TAFA1: variants seen among roughly 807,000 people sequenced by gnomAD.
TAFA1 encodes TAFA chemokine like family member 1, also known as chemokine-like protein TAFA-1.
A neutral mutation model predicts 18.5 loss-of-function variants in TAFA1; 4 were observed. That is an observed-to-expected ratio of 0.22 (90% CI 0.11 to 0.49). The LOEUF is 0.49. Ranked by LOEUF, TAFA1 falls within the 20% of genes least tolerant of loss-of-function variation. TAFA1 has a pLI of 0.98. For synonymous variants in TAFA1, 56 were observed against 55.2 expected (o/e 1.01, Z -0.06); for missense variants, 147 against 169.0 (o/e 0.87, Z 0.72).
intron 2 of TAFA1, among the ~76,000 whole-genome samples, chr3:68,082,187 G>A (rs182735022): frequency 7.0e-6 from 1 of 143,402 alleles, no homozygotes; most frequent in African/African-American, 3.0e-5. Flanking sequence ...CATGGTGTGC[G>A]CACCCACTGA....
intron 3 of TAFA1, among the ~76,000 whole-genome samples, chr3:68,528,319 T>A (rs1211369967): frequency 2.0e-5 from 3 of 152,222 alleles, no homozygotes; most frequent in African/African-American, 7.2e-5. Context: ...TCCAAAGTCA[T>A]ACTATTACAA....
chr3:68,179,578 C>T (rs940392782), intron 2 of TAFA1, among the ~76,000 whole-genome samples: 13 of 152,120 alleles, frequency 8.5e-5, no homozygotes, highest in Admixed American at 1.3e-4. Context: ...AATGTAATAA[C>T]AAGCACTTAT....
At position 68,478,732 on chromosome 3, in the gene TAFA1, T is replaced by A. The variant is rs1303869297; in HGVS notation, c.260-60024T>A. Among the ~76,000 whole-genome samples the A allele has an allele frequency of 2.0e-5, 3 of 152,134 alleles. No homozygotes were observed. In the East Asian group the frequency reaches 5.8e-4, roughly 29 times the overall value. On this transcript the variant is annotated intron_variant, in intron 3 of 4. Transcript: ENST00000478136. The stretch of plus-strand genomic sequence containing the variant: ...CAACCTGAACTATAACATGTGAGTG[T>A]ACAAGAAATCAAAAAATGTTATTTA...
At chr3:68,256,713 G>A (rs1240181864) in intron 2 of TAFA1, among the ~76,000 whole-genome samples, 1 of 152,126 alleles carries the variant, frequency 6.6e-6, no homozygotes, top group African/African-American at 2.4e-5. Context: ...AGGGTTATAA[G>A]ACTGGAGGGT....
chr3:68,249,954 T>G (rs907167871), intron 2 of TAFA1, among the ~76,000 whole-genome samples: 2 of 152,168 alleles, frequency 1.3e-5, no homozygotes, highest in African/African-American at 2.4e-5. Context: ...GTGTCTAGAA[T>G]AGCACCAAAC....
chr3:68,471,378 T>C (rs368948434), intron 3 of TAFA1, among the ~76,000 whole-genome samples: 1 of 151,988 alleles, frequency 6.6e-6, no homozygotes, highest in Non-Finnish European at 1.5e-5. Flanking sequence ...AAATGGTAGA[T>C]CCACTGATGA....
intron 2 of TAFA1, among the ~76,000 whole-genome samples, chr3:68,082,297 T>C (rs1351827588): frequency 6.6e-6 from 1 of 152,254 alleles, no homozygotes; most frequent in Non-Finnish European, 1.5e-5. Context: ...CTGGGAGCTG[T>C]AGACCGGAGC....
At position 68,366,569 on chromosome 3, in the gene TAFA1, A is replaced by G. The variant is rs531043363; in HGVS notation, c.119-50711A>G. Among the ~76,000 whole-genome samples, 3 of 150,726 alleles carry G rather than the reference A, an allele frequency of 2.0e-5. No individual in the cohort carries two copies. The South Asian group carries it at 6.4e-4, about 32-fold the overall frequency. On this transcript the variant is annotated intron_variant, in intron 2 of 4. Coordinates refer to ENST00000478136, the MANE Select transcript of TAFA1 (RefSeq NM_213609.4). ...AAAGAACCATGAAGTAGTGTAATGT[A>G]GTGGATACAAACGTATTATCATACC...
intron 2 of TAFA1, among the ~76,000 whole-genome samples, chr3:68,030,305 G>T (rs1227965750): frequency 6.6e-6 from 1 of 151,778 alleles, no homozygotes; most frequent in East Asian, 1.9e-4. Flanking sequence ...TACCTGTGCA[G>T]AATGTGAAGG....
rs573254593 is a variant in TAFA1, at chr3:68,041,726, C to T, written c.118+34982C>T. On this transcript the variant is annotated intron_variant, in intron 2 of 4. Coordinates refer to ENST00000478136, the MANE Select transcript of TAFA1 (RefSeq NM_213609.4). ...AAGCCATGTTCTCTAGGACTTTTCC[C>T]ACTATAAACCAGAGTTTTCTCAATT... Among the ~76,000 whole-genome samples, 30 of 152,282 alleles carry T rather than the reference C, an allele frequency of 2.0e-4. 1 individual carries two copies. The South Asian group carries it at 4.8e-3, about 24-fold the overall frequency.
At chr3:68,359,349 C>A (rs1185332522) in intron 2 of TAFA1, among the ~76,000 whole-genome samples, 1 of 151,972 alleles carries the variant, frequency 6.6e-6, no homozygotes, top group Non-Finnish European at 1.5e-5. Context: ...TGTTACCCTA[C>A]AAGGCAAAAG....
At chr3:68,117,443 C>T (rs1213847149) in intron 2 of TAFA1, among the ~76,000 whole-genome samples, 3 of 152,158 alleles carry the variant, frequency 2.0e-5, no homozygotes, top group Non-Finnish European at 2.9e-5. Context: ...GTATGATTTG[C>T]TATAATCCCC....
intron 2 of TAFA1, among the ~76,000 whole-genome samples, chr3:68,061,087 A>G (rs1490661981): frequency 6.6e-6 from 1 of 152,176 alleles, no homozygotes; most frequent in African/African-American, 2.4e-5. Context: ...TAGAAAATAA[A>G]TATCTGCCTA....
chr3:68,334,982 T>C (rs1158544596), intron 2 of TAFA1, among the ~76,000 whole-genome samples: 2 of 152,174 alleles, frequency 1.3e-5, no homozygotes, highest in African/African-American at 4.8e-5. Context: ...AGAAATGTAA[T>C]TCTGTGTATA....
chr3:68,198,122 T>C (rs1037948138), intron 2 of TAFA1, among the ~76,000 whole-genome samples: 1 of 151,724 alleles, frequency 6.6e-6, no homozygotes, highest in African/African-American at 2.4e-5. Flanking sequence ...ATTGAAATCA[T>C]ACAATGTGGA....
chr3:68,458,332 C>A (rs550673625), intron 3 of TAFA1, among the ~76,000 whole-genome samples: 60 of 152,128 alleles, frequency 3.9e-4, no homozygotes, highest in Non-Finnish European at 7.6e-4. Flanking sequence ...CCAATTAAAC[C>A]TCATTATAAA....
At chr3:68,166,424 C>T (rs1024559657) in intron 2 of TAFA1, among the ~76,000 whole-genome samples, 1 of 152,024 alleles carries the variant, frequency 6.6e-6, no homozygotes, top group African/African-American at 2.4e-5. Flanking sequence ...TCAGACTAGT[C>T]CCTTACAATG....
At chr3:68,002,342 C>G (rs1012678619), upstream of TAFA1, among the ~76,000 whole-genome samples, 1 of 152,208 alleles carries the variant, frequency 6.6e-6, no homozygotes, top group Non-Finnish European at 1.5e-5. Flanking sequence ...CAATGCCTAT[C>G]TGAATGCCTT....
At chr3:68,204,843 A>G (rs2107050225) in intron 2 of TAFA1, among the ~76,000 whole-genome samples, 1 of 151,984 alleles carries the variant, frequency 6.6e-6, no homozygotes, top group Middle Eastern at 3.4e-3. Context: ...GAGATAACAA[A>G]GATATACAGT....
Sources: gnomAD v4.1 joint callset for allele counts (sites outside exome capture counted in the v4.1 genomes callset) on GRCh38, gnomAD v4.1.1 for gene constraint, MANE v1.5 for transcripts, NCBI Gene and HGNC (gene_info 2026-07-23, HGNC 2026-07-21) for gene names.